Variants in CACNA2D3 observed in about 807,000 individuals in gnomAD.
The protein encoded by CACNA2D3 is calcium voltage-gated channel auxiliary subunit alpha2delta 3, also known as voltage-dependent calcium channel subunit alpha-2/delta-3.
In CACNA2D3, 60 loss-of-function variants were observed where a neutral mutation model predicts 160.6. That is an observed-to-expected ratio of 0.37 (90% confidence interval 0.30 to 0.46). The LOEUF (loss-of-function observed/expected upper bound fraction) is 0.46, where lower values mean the gene tolerates loss of function less well. CACNA2D3 is among the 20% of genes least tolerant of loss of function. The pLI, the probability that CACNA2D3 is intolerant of heterozygous loss-of-function variation, is 1.00. For missense variants in CACNA2D3, 1,205 were observed against 1,365.0 expected (o/e 0.88, Z 1.85); for synonymous variants, 558 against 492.9 (o/e 1.13, Z -1.75).
intron 2 of CACNA2D3, among the ~76,000 whole-genome samples, chr3:54,146,595 G>C (rs897005953): frequency 7.3e-6 from 1 of 136,570 alleles, no homozygotes; most frequent in East Asian, 2.1e-4. Flanking sequence ...ATGTGGGGAA[G>C]GGGGGCGTGG....
intron 15 of CACNA2D3, 147 bp downstream of exon 15, chr3:54,837,377 C>A: frequency 1.4e-6 from 1 of 715,170 alleles, no homozygotes; most frequent in Non-Finnish European, 2.4e-6. Context: ...TTAGAATCAC[C>A]AAATCAAAAA....
chr3:54,644,844 A>G (rs1699603719), intron 11 of CACNA2D3, among the ~76,000 whole-genome samples: 1 of 152,208 alleles, frequency 6.6e-6, no homozygotes, highest in Non-Finnish European at 1.5e-5. Flanking sequence ...CTACTGCCAC[A>G]AGAAATAGCC....
At position 54,390,508 on chromosome 3, in the gene CACNA2D3, G is replaced by A. The variant is rs1699261076; in HGVS notation, c.381+3734G>A. Among the ~76,000 whole-genome samples the A allele has an allele frequency of 3.3e-5, 5 of 152,174 alleles. 1 individual carries two copies. The South Asian group carries it at 1.0e-3, about 32-fold the overall frequency. ...CAAAAGCATCAGAGGGTACCATTGT[G>A]GTCTGAACATAAGAGTAGATGTTGA... is the stretch of plus-strand genomic sequence containing the variant. On this transcript the variant is annotated intron_variant, in intron 4 of 37. Transcript: ENST00000474759.
chr3:54,171,649 C>G (rs1441969775), intron 2 of CACNA2D3, among the ~76,000 whole-genome samples: 1 of 152,184 alleles, frequency 6.6e-6, no homozygotes, highest in East Asian at 1.9e-4. Context: ...GTTCAAGCTA[C>G]CAGCCAGAGG....
chr3:54,272,493 G>A (rs1048599268), intron 2 of CACNA2D3, among the ~76,000 whole-genome samples: 3 of 151,928 alleles, frequency 2.0e-5, no homozygotes, highest in Non-Finnish European at 4.4e-5. Context: ...ACACTGCTTG[G>A]AGAACAGAAG....
At chr3:54,972,899 C>T (rs1055471728) in intron 29 of CACNA2D3, among the ~76,000 whole-genome samples, 1 of 152,116 alleles carries the variant, frequency 6.6e-6, no homozygotes. Context: ...ACATCTTTAC[C>T]GAGCCCTTCT....
intron 27 of CACNA2D3, among the ~76,000 whole-genome samples, chr3:54,927,618 A>G (rs1474322158): frequency 1.3e-5 from 2 of 152,148 alleles, no homozygotes; most frequent in Non-Finnish European, 2.9e-5. Context: ...TTTCCCCCCA[A>G]AGGAATAATA....
At chr3:55,019,792 G>A (rs1025196813) in intron 35 of CACNA2D3, among the ~76,000 whole-genome samples, 1 of 152,160 alleles carries the variant, frequency 6.6e-6, no homozygotes. Flanking sequence ...TAAAAGCGAT[G>A]AGATTAGGCA....
At chr3:54,818,135 A>G (rs986786821) in intron 14 of CACNA2D3, among the ~76,000 whole-genome samples, 2 of 152,222 alleles carry the variant, frequency 1.3e-5, no homozygotes, top group Admixed American at 6.5e-5. Flanking sequence ...TATACAAAGT[A>G]TTCCTGTTAC....
At chr3:54,403,618 A>G (rs959578976) in intron 4 of CACNA2D3, among the ~76,000 whole-genome samples, 8 of 152,162 alleles carry the variant, frequency 5.3e-5, no homozygotes, top group African/African-American at 1.4e-4. Context: ...GTTAAACCCA[A>G]AGTTAACAGA....
At chr3:54,893,202 G>C (rs1379343338) in intron 25 of CACNA2D3, among the ~76,000 whole-genome samples, 1 of 152,120 alleles carries the variant, frequency 6.6e-6, no homozygotes, top group Admixed American at 6.5e-5. Context: ...CTTGAACCCG[G>C]GAGGTGAAGG....
intron 9 of CACNA2D3, among the ~76,000 whole-genome samples, chr3:54,626,865 C>T (rs889616487): frequency 6.6e-6 from 1 of 152,124 alleles, no homozygotes; most frequent in Non-Finnish European, 1.5e-5. Context: ...AGCCTGAATT[C>T]GCTCTTGCCC....
At chr3:54,754,486 T>C (rs1701934547) in intron 12 of CACNA2D3, among the ~76,000 whole-genome samples, 1 of 152,184 alleles carries the variant, frequency 6.6e-6, no homozygotes, top group South Asian at 2.1e-4. Context: ...TGAGTTATTC[T>C]CTTGTGTTAT....
chr3:54,741,695 T>C (rs986955551), intron 11 of CACNA2D3, among the ~76,000 whole-genome samples: 2 of 152,126 alleles, frequency 1.3e-5, no homozygotes, highest in Non-Finnish European at 2.9e-5. Context: ...GCTTTGGAGT[T>C]TTCCTTGGTG....
chr3:54,174,327 T>C (rs72972027), intron 2 of CACNA2D3, among the ~76,000 whole-genome samples: 2,454 of 152,276 alleles, frequency 0.016, 58 homozygotes, highest in African/African-American at 0.057. Context: ...CCTTCAGTCC[T>C]ACCCACAGAC....
chr3:54,445,397 T>C (rs1028545286), intron 4 of CACNA2D3, among the ~76,000 whole-genome samples: 1 of 152,324 alleles, frequency 6.6e-6, no homozygotes, highest in South Asian at 2.1e-4. Context: ...TTGAGAATTC[T>C]TAACCTTGAA....
chr3:54,677,508 T>C (rs1254787090), intron 11 of CACNA2D3, among the ~76,000 whole-genome samples: 4 of 152,126 alleles, frequency 2.6e-5, no homozygotes, highest in Non-Finnish European at 5.9e-5. Flanking sequence ...TGATTTAACA[T>C]TCCTTTGAAA....
chr3:54,690,244 C>T (rs1700547580), intron 11 of CACNA2D3, among the ~76,000 whole-genome samples: 1 of 152,116 alleles, frequency 6.6e-6, no homozygotes, highest in South Asian at 2.1e-4. Context: ...CTAGTTCTGT[C>T]CATTGACTCT....
rs151228862 is a variant in CACNA2D3 at position 54,338,182 on chromosome 3, C to T, written c.321+17624C>T. On this transcript the variant is annotated intron_variant, in intron 3 of 37. Transcript: ENST00000474759. ...GAGGTTAAATTACAGCAATCACTGG[C>T]GCACAAAGGCGCTGCAGTAAGAAAA... Among the ~76,000 whole-genome samples, 1,024 of 152,310 alleles carry T rather than the reference C, an allele frequency of 6.7e-3. 10 individuals are homozygous for T. The highest frequency in any genetic ancestry group is 0.023 in the African/African-American group (971 of 41,558).
Sources: gnomAD v4.1 joint callset for allele counts (sites outside exome capture counted in the v4.1 genomes callset) on GRCh38, gnomAD v4.1.1 for gene constraint, MANE v1.5 for transcripts, NCBI Gene and HGNC (gene_info 2026-07-23, HGNC 2026-07-21) for gene names.